Variants in GALNT13 observed in about 807,000 individuals in gnomAD.
GALNT13 encodes polypeptide N-acetylgalactosaminyltransferase 13.
GALNT13 carries 28 observed loss-of-function variants against 64.2 expected under a neutral mutation model. The ratio of observed to expected loss-of-function variants is 0.44; its 90% CI spans 0.32 to 0.60. GALNT13 has a LOEUF of 0.60. Ranked by LOEUF, GALNT13 falls within the 20% of genes least tolerant of loss-of-function variation. The pLI, the probability that GALNT13 is intolerant of heterozygous loss-of-function variation, is 0.05. For synonymous variants in GALNT13, 214 were observed against 224.6 expected, an observed-to-expected ratio of 0.95 and a Z score of 0.42; for missense variants, 577 against 669.8, an observed-to-expected ratio of 0.86 and a Z score of 1.53.
Position 154,246,015 on chromosome 2 carries a change from T to G in GALNT13, c.857+33T>G, listed in dbSNP as rs542611141. 88 of 1,458,104 alleles carry G rather than the reference T, an allele frequency of 6.0e-5. No individual in the cohort carries two copies. The Admixed American group carries it at 6.3e-4, about 10-fold the overall frequency. The allele number at this position is 1,458,104 out of a possible 1,614,324, so 90.3% of individuals were successfully genotyped here. Reference sequence around the variant, plus strand: ...GATCATATCTCTTGAAGATTATGTATATCCCCCTAAAAATTAAGGAATATT... The same window carrying G: ...GATCATATCTCTTGAAGATTATGTAGATCCCCCTAAAAATTAAGGAATATT... On this transcript the variant is annotated intron_variant, in intron 7 of 12. Coordinates refer to ENST00000392825, the MANE Select transcript of GALNT13 (RefSeq NM_052917.4).
At chr2:153,239,838 T>C in the GALNT13 span, among the ~76,000 whole-genome samples, 1 of 152,198 alleles carries the variant, frequency 6.6e-6, no homozygotes, top group Admixed American at 6.6e-5. Context: ...ATTGGCCTCA[T>C]AGAATGAGTT....
At chr2:153,612,968 G>A in the GALNT13 span, among the ~76,000 whole-genome samples, 1 of 152,022 alleles carries the variant, frequency 6.6e-6, no homozygotes, top group Non-Finnish European at 1.5e-5. Context: ...CAAAAAAATT[G>A]CAGAATGAAC....
chr2:154,350,775 G>T (rs1319504808), intron 9 of GALNT13, among the ~76,000 whole-genome samples: 1 of 152,126 alleles, frequency 6.6e-6, no homozygotes, highest in Non-Finnish European at 1.5e-5. Flanking sequence ...GCTCATGAGG[G>T]TGAGCAGAGG....
the GALNT13 span, among the ~76,000 whole-genome samples, chr2:153,594,438 T>A: frequency 6.6e-6 from 1 of 152,178 alleles, no homozygotes; most frequent in Non-Finnish European, 1.5e-5. Flanking sequence ...CTGAGTTTCT[T>A]CCTAGTTCTG....
chr2:153,571,397 G>A, the GALNT13 span, among the ~76,000 whole-genome samples: 106 of 152,028 alleles, frequency 7.0e-4, no homozygotes, highest in African/African-American at 2.6e-3. Context: ...CATATAATCT[G>A]CAAACAAGGA....
At chr2:154,373,760 C>G (rs1223883953) in intron 9 of GALNT13, among the ~76,000 whole-genome samples, 1 of 152,164 alleles carries the variant, frequency 6.6e-6, no homozygotes, top group Non-Finnish European at 1.5e-5. Context: ...ATATTGGGCA[C>G]AAGTCTTCCC....
the GALNT13 span, among the ~76,000 whole-genome samples, chr2:153,693,910 C>G: frequency 6.6e-6 from 1 of 152,000 alleles, no homozygotes; most frequent in African/African-American, 2.4e-5. Flanking sequence ...GTCAGGAGAT[C>G]AAGACCATCC....
chr2:153,554,350 A>T, the GALNT13 span, among the ~76,000 whole-genome samples: 1 of 151,840 alleles, frequency 6.6e-6, no homozygotes, highest in Admixed American at 6.6e-5. Context: ...AAAAAAAAAA[A>T]GTTTGCAAAT....
chr2:153,682,576 T>TC, the GALNT13 span, among the ~76,000 whole-genome samples: 2 of 151,754 alleles, frequency 1.3e-5, no homozygotes, highest in Non-Finnish European at 2.9e-5. Flanking sequence ...ATAATGTAGT[T>TC]CCTTGGAAAA....
the GALNT13 span, among the ~76,000 whole-genome samples, chr2:153,610,053 G>A: frequency 6.6e-6 from 1 of 152,262 alleles, no homozygotes; most frequent in Middle Eastern, 3.4e-3. Context: ...TCTACTGGCT[G>A]TTGACTGCTA....
chr2:154,095,499 T>C lies in GALNT13; in HGVS notation c.143-44838T>C, dbSNP rs150447773. 2.2e-3 allele frequency among the ~76,000 whole-genome samples: 339 copies of C among 152,042 alleles called. 2 individuals are homozygous for C. Among genetic ancestry groups the C allele is most frequent in the African/African-American group, 7.4e-3 (309 of 41,530 alleles). The stretch of plus-strand genomic sequence containing the variant: ...CAAAGAAAGGTCAAGAACCCCTATT[T>C]TAAAATTGCCAATAACAAGCTAACG... On this transcript the variant is annotated intron_variant, in intron 3 of 12. Coordinates refer to ENST00000392825, the MANE Select transcript of GALNT13 (RefSeq NM_052917.4).
chr2:153,577,805 T>A, the GALNT13 span, among the ~76,000 whole-genome samples: 2 of 150,872 alleles, frequency 1.3e-5, no homozygotes, highest in Admixed American at 6.6e-5. Context: ...ATAAATATAT[T>A]CTATTTCTAT....
At chr2:153,611,550 G>C in the GALNT13 span, among the ~76,000 whole-genome samples, 1 of 151,818 alleles carries the variant, frequency 6.6e-6, no homozygotes, top group Non-Finnish European at 1.5e-5. Context: ...TAGTAAAGAC[G>C]GGGTTTCACC....
At chr2:154,112,132 C>T (rs1703021128) in intron 3 of GALNT13, among the ~76,000 whole-genome samples, 1 of 152,146 alleles carries the variant, frequency 6.6e-6, no homozygotes, top group Non-Finnish European at 1.5e-5. Context: ...TATAATCAAC[C>T]CACCACCAGG....
chr2:153,506,039 G>A, the GALNT13 span, among the ~76,000 whole-genome samples: 1 of 152,082 alleles, frequency 6.6e-6, no homozygotes, highest in Non-Finnish European at 1.5e-5. Flanking sequence ...AGTTTTAGGT[G>A]CGTATATATT....
intron 4 of GALNT13, among the ~76,000 whole-genome samples, chr2:154,217,260 C>A (rs1688096549): frequency 6.6e-6 from 1 of 151,968 alleles, no homozygotes; most frequent in Non-Finnish European, 1.5e-5. Flanking sequence ...CAGATTCCAG[C>A]AATGAAATTC....
intron 8 of GALNT13, among the ~76,000 whole-genome samples, chr2:154,292,755 A>G (rs1299279426): frequency 6.6e-6 from 1 of 152,236 alleles, no homozygotes; most frequent in African/African-American, 2.4e-5. Flanking sequence ...TAGGGGAAAG[A>G]TAAAGATTAA....
chr2:154,209,748 A>G (rs1224753999), intron 4 of GALNT13, among the ~76,000 whole-genome samples: 1 of 152,162 alleles, frequency 6.6e-6, no homozygotes, highest in Non-Finnish European at 1.5e-5. Flanking sequence ...ACAAATTATC[A>G]TGTATGTTTT....
At chr2:154,021,561 G>T (rs1160505541) in intron 3 of GALNT13, among the ~76,000 whole-genome samples, 1 of 152,074 alleles carries the variant, frequency 6.6e-6, no homozygotes, top group Non-Finnish European at 1.5e-5. Context: ...TGTATCCTGA[G>T]ACTTTGCTGA....
Sources: allele counts gnomAD v4.1 joint callset (sites outside exome capture counted in the v4.1 genomes callset), GRCh38; gene constraint gnomAD v4.1.1; transcripts MANE v1.5; gene names NCBI Gene and HGNC (gene_info 2026-07-23, HGNC 2026-07-21).